GFPT1: variants seen among roughly 807,000 people sequenced by gnomAD.
GFPT1 encodes the protein glutamine--fructose-6-phosphate aminotransferase [isomerizing] 1.
In GFPT1, 40 loss-of-function variants were observed where a neutral mutation model predicts 92.0. The observed-to-expected ratio is 0.43, with a 90% confidence interval of 0.34 to 0.57. The LOEUF (loss-of-function observed/expected upper bound fraction) is 0.57, where lower values mean the gene tolerates loss of function less well. GFPT1 is among the 20% of genes least tolerant of loss of function. GFPT1 has a pLI of 0.02. For missense variants in GFPT1, 448 were observed against 869.1 expected, an observed-to-expected ratio of 0.52 and a Z score of 6.09; for synonymous variants, 269 against 280.6, an observed-to-expected ratio of 0.96 and a Z score of 0.41.
rs1671728852 is a variant in GFPT1 at position 69,370,838 on chromosome 2, T to G, written c.116-730A>C. Among the ~76,000 whole-genome samples the G allele has an allele frequency of 2.0e-5, 3 of 152,010 alleles. No homozygotes were observed. The South Asian group carries it at 6.2e-4, about 32-fold the overall frequency. ...GCTTGAAGGACTTGTTGAATGATTC[T>G]CAATAAAAGGGACATAGAAAAACAG... On this transcript the variant is annotated intron_variant, in intron 2 of 19. Coordinates refer to ENST00000357308, the MANE Select transcript of GFPT1 (RefSeq NM_001244710.2).
At chr2:69,350,326 C>T (rs1671174805) in intron 9 of GFPT1, 143 bp from the exon 10 acceptor site, 1 of 657,540 alleles carries the variant, frequency 1.5e-6, no homozygotes, top group Non-Finnish European at 2.7e-6. Flanking sequence ...AAGTAGATCA[C>T]CTTATTTCCA....
At chr2:69,366,243 C>A (rs76842518) in intron 3 of GFPT1, among the ~76,000 whole-genome samples, 2 of 152,204 alleles carry the variant, frequency 1.3e-5, no homozygotes, top group African/African-American at 4.8e-5. Context: ...AATTACCACA[C>A]CTTTATTTCA....
intron 15 of GFPT1, among the ~76,000 whole-genome samples, chr2:69,332,650 A>G (rs1658138733): frequency 6.6e-6 from 1 of 151,992 alleles, no homozygotes; most frequent in African/African-American, 2.4e-5. Context: ...TTTTAATCCA[A>G]TAGTTATTTT....
At chr2:69,327,107 T>A (rs1042393431) in intron 18 of GFPT1, 32 bp from the exon 19 acceptor site, 3 of 1,608,192 alleles carry the variant, frequency 1.9e-6, no homozygotes, top group Admixed American at 1.7e-5. Context: ...ATACACAACA[T>A]CACTGGTGGG....
Position 69,326,219 on chromosome 2 carries a change from C to T in GFPT1, c.2070G>A (p.Arg690=), listed in dbSNP as rs1002173649. The T allele has an allele frequency of 6.3e-7, 1 of 1,593,376 alleles. No individual in the cohort carries two copies. The highest frequency in any genetic ancestry group is 8.5e-7 in the Non-Finnish European group (1 of 1,169,772). ...VLRGYDVDFP[R]NLAKSVTVE The stretch of plus-strand genomic sequence containing the variant: ...CTACAGTCACAGATTTGGCAAGATT[C>T]CGTGGGAAATCAACCTGCAAAAAGA... The change falls in exon 20 of 20, where the codon CGG becomes CGA. Residue 690 remains arginine (R), a synonymous_variant. Coordinates refer to ENST00000357308, the MANE Select transcript of GFPT1 (RefSeq NM_001244710.2).
chr2:69,345,196 C>T (rs910242040), intron 12 of GFPT1, among the ~76,000 whole-genome samples: 6 of 151,954 alleles, frequency 3.9e-5, no homozygotes, highest in African/African-American at 1.5e-4. Flanking sequence ...GCAGCAGTTG[C>T]GGTGAGCCGA....
At chr2:69,363,729 A>G in intron 3 of GFPT1, 59 bp from the exon 4 acceptor site, 1 of 1,185,906 alleles carries the variant, frequency 8.4e-7, no homozygotes, top group Non-Finnish European at 1.3e-6. Flanking sequence ...ATAATGCTAT[A>G]AGCTATATTT....
At chr2:69,339,630 AGT>A (rs1447492572) in intron 13 of GFPT1, among the ~76,000 whole-genome samples, 1 of 152,202 alleles carries the variant, frequency 6.6e-6, no homozygotes, top group African/African-American at 2.4e-5. Context: ...TCTTCAGGCA[AGT>A]GGCCCTCCCC....
At chr2:69,342,412 A>T (rs1670974646) in intron 12 of GFPT1, among the ~76,000 whole-genome samples, 163 bp from the exon 13 acceptor site, 1 of 152,166 alleles carries the variant, frequency 6.6e-6, no homozygotes, top group Admixed American at 6.5e-5. Context: ...TGAAAAGTAA[A>T]TTAAATAAGT....
chr2:69,375,131 G>A (rs1269594800), intron 1 of GFPT1, among the ~76,000 whole-genome samples: 2 of 152,194 alleles, frequency 1.3e-5, no homozygotes, highest in African/African-American at 2.4e-5. Flanking sequence ...ATGGCAGCAT[G>A]GGCATTATCT....
chr2:69,359,133 C>CTT lies in GFPT1; in HGVS notation c.408+134_408+135insAA. The CTT allele has an allele frequency of 8.8e-6, 6 of 679,858 alleles. No individual in the cohort carries two copies. In the South Asian group the frequency reaches 9.6e-5, roughly 11 times the overall value. The allele number at this position is 679,858 out of a possible 1,614,324, so 42.1% of individuals were successfully genotyped here. A position where few individuals can be genotyped will look rare whatever the true frequency, so the allele number is the denominator to read the frequency against. ...AGCAAAGAAAAATCCAATAAACCAC[C>CTT]GTGCCCTTGGAATTGTCCAAGAAAT... On this transcript the variant is annotated intron_variant, in intron 5 of 19. Coordinates refer to ENST00000357308, the MANE Select transcript of GFPT1 (RefSeq NM_001244710.2).
chr2:69,342,272 T>C (rs1208314719), intron 12 of GFPT1, 23 bp from the exon 13 acceptor site: 3 of 1,430,886 alleles, frequency 2.1e-6, no homozygotes, highest in Admixed American at 3.3e-5. Context: ...TTTGTGTACA[T>C]AATTATTTAG....
chr2:69,382,061 G>A lies in GFPT1; in HGVS notation c.7+5004C>T, dbSNP rs188451941. 1.2e-3 allele frequency among the ~76,000 whole-genome samples: 184 copies of A among 151,394 alleles called. 1 individual carries two copies. The highest frequency in any genetic ancestry group is 3.8e-3 in the African/African-American group (157 of 41,234). On this transcript the variant is annotated intron_variant, in intron 1 of 19. Coordinates refer to ENST00000357308, the MANE Select transcript of GFPT1 (RefSeq NM_001244710.2). ...GTATTTTTAGTAGAGATGGGGCTTC[G>A]CTATGTTGGCCAGGCTGGTCTCAAA... is the stretch of plus-strand genomic sequence containing the variant.
chr2:69,323,035 T>C lies in GFPT1; in HGVS notation c.*3154A>G, dbSNP rs1198305065. On this transcript the variant is annotated 3_prime_UTR_variant, in exon 20 of 20. Transcript: ENST00000357308. ...GCCAACCACAGTGACTTTCCCATAA[T>C]AGGTATTAATAAACACTTGTTGACA... The C allele has an allele frequency of 6.6e-6, 1 of 152,240 alleles. No individual in the cohort carries two copies. Among genetic ancestry groups the C allele is most frequent in the Non-Finnish European group, 1.5e-5 (1 of 68,034 alleles). 9.4% of individuals were successfully genotyped at this position (152,240 alleles called of 1,614,324 possible). A position where few individuals can be genotyped will look rare whatever the true frequency, so the allele number is the denominator to read the frequency against.
At chr2:69,373,933 G>A (rs1671810568) in intron 2 of GFPT1, 73 bp downstream of exon 2, 1 of 760,144 alleles carries the variant, frequency 1.3e-6, no homozygotes, top group Admixed American at 1.9e-5. Context: ...TAATAGTCTA[G>A]TCTCCTAATA....
intron 4 of GFPT1, among the ~76,000 whole-genome samples, chr2:69,360,247 T>G (rs1431441641): frequency 6.7e-6 from 1 of 149,240 alleles, no homozygotes; most frequent in Non-Finnish European, 1.5e-5. Flanking sequence ...GAGAATCGCT[T>G]GAATCTGGGA....
intron 13 of GFPT1, among the ~76,000 whole-genome samples, chr2:69,340,489 C>T (rs896673603): frequency 2.6e-5 from 4 of 152,016 alleles, no homozygotes; most frequent in African/African-American, 9.7e-5. Context: ...CCTAGTGTTC[C>T]ATCACTGGAA....
chr2:69,345,765 C>T (rs1319590649), intron 12 of GFPT1, 139 bp downstream of exon 12: 4 of 634,478 alleles, frequency 6.3e-6, no homozygotes, highest in Admixed American at 2.8e-5. Context: ...GAACTTTTTC[C>T]AAGATGGCTG....
chr2:69,346,306 T>C (rs1384950755), intron 11 of GFPT1, among the ~76,000 whole-genome samples: 2 of 152,238 alleles, frequency 1.3e-5, no homozygotes, highest in South Asian at 2.1e-4. Flanking sequence ...TGGCATGATG[T>C]AGGCTCACTG....
Sources: allele counts gnomAD v4.1 joint callset (sites outside exome capture counted in the v4.1 genomes callset), GRCh38; gene constraint gnomAD v4.1.1; transcripts MANE v1.5; gene names NCBI Gene and HGNC (gene_info 2026-07-23, HGNC 2026-07-21).